The following SLC4A8 variants were observed in gnomAD, a reference collection of about 807,000 sequenced individuals.
The protein encoded by SLC4A8 is solute carrier family 4 member 8.
SLC4A8 carries 40 observed loss-of-function variants against 125.0 expected under a neutral mutation model. That is an observed-to-expected ratio of 0.32 (90% CI 0.25 to 0.42). SLC4A8 has a LOEUF of 0.42. SLC4A8 is among the 10% of genes least tolerant of loss of function. The pLI is 1.00. For missense variants in SLC4A8, 863 were observed against 1,355.1 expected (o/e 0.64, Z 5.70); for synonymous variants, 456 against 476.0 (o/e 0.96, Z 0.55).
At chr12:51,413,576 G>A (rs944308107) in intron 1 of SLC4A8, among the ~76,000 whole-genome samples, 1 of 152,114 alleles carries the variant, frequency 6.6e-6, no homozygotes, top group Admixed American at 6.6e-5. Context: ...TTTAATTCAT[G>A]TTGAGTTAAT....
intron 23 of SLC4A8, 125 bp from the exon 24 acceptor site, chr12:51,505,710 A>C: frequency 2.0e-6 from 1 of 494,074 alleles, no homozygotes. Flanking sequence ...CGAGTTCCTG[A>C]GAGCTGTTGG....
chr12:51,430,287 C>A (rs1310093974), intron 1 of SLC4A8, among the ~76,000 whole-genome samples: 1 of 151,964 alleles, frequency 6.6e-6, no homozygotes, highest in Non-Finnish European at 1.5e-5. Flanking sequence ...ATTCTAGTGC[C>A]CAGTGACTGT....
intron 16 of SLC4A8, among the ~76,000 whole-genome samples, chr12:51,478,132 G>C (rs1950910098): frequency 6.6e-6 from 1 of 152,066 alleles, no homozygotes; most frequent in Admixed American, 6.6e-5. Flanking sequence ...AAAATTAGCT[G>C]GGCATGGTGG....
intron 1 of SLC4A8, among the ~76,000 whole-genome samples, chr12:51,396,560 C>T (rs1948266473): frequency 6.6e-6 from 1 of 151,802 alleles, no homozygotes; most frequent in Non-Finnish European, 1.5e-5. Flanking sequence ...AATAAAGAAT[C>T]AGCTGGGCCT....
At chr12:51,463,980 C>T (rs1950434275) in intron 11 of SLC4A8, among the ~76,000 whole-genome samples, 2 of 152,168 alleles carry the variant, frequency 1.3e-5, no homozygotes, top group Admixed American at 6.5e-5. Flanking sequence ...AACACTCTTC[C>T]CTTTCCTCAT....
intron 8 of SLC4A8, among the ~76,000 whole-genome samples, chr12:51,460,678 GT>G (rs1367613338): frequency 2.0e-5 from 3 of 152,186 alleles, no homozygotes; most frequent in Non-Finnish European, 4.4e-5. Flanking sequence ...GGTTTGTATG[GT>G]TTGCAGATAT....
chr12:51,451,154 A>T, intron 3 of SLC4A8, 132 bp downstream of exon 3: 2 of 857,508 alleles, frequency 2.3e-6, no homozygotes, highest in Non-Finnish European at 1.6e-6. Context: ...GCTTGCTTCT[A>T]AGAAGAAATG....
At chr12:51,448,015 G>A (rs967502558) in intron 2 of SLC4A8, among the ~76,000 whole-genome samples, 6 of 152,072 alleles carry the variant, frequency 3.9e-5, no homozygotes, top group South Asian at 4.2e-4. Flanking sequence ...CACCACGTCC[G>A]GCTGGGATTT....
At chr12:51,466,863 G>A (rs550249497) in intron 11 of SLC4A8, among the ~76,000 whole-genome samples, 1 of 151,880 alleles carries the variant, frequency 6.6e-6, no homozygotes, top group Non-Finnish European at 1.5e-5. Context: ...TAAATCTTTT[G>A]TCTGTTGCTC....
Position 51,457,413 on chromosome 12 carries a change from C to A in SLC4A8, c.637C>A (p.Arg213=), listed in dbSNP as rs774455181. 6 of 1,613,956 alleles carry A rather than the reference C, an allele frequency of 3.7e-6. No homozygotes were observed. The South Asian group carries it at 4.4e-5, about 12-fold the overall frequency. Residue 213 remains arginine, a synonymous_variant, in exon 6 of 25, where the codon CGG becomes AGG. Coordinates refer to ENST00000453097, the MANE Select transcript of SLC4A8 (RefSeq NM_001039960.3). ...GAATGACAGCATGAGGGTTAAAGTG[C>A]GGGAAGCCCTTCTCAAAAAGCATCA... ...DLNDSMRVKV[R]EALLKKHHHQ...
At chr12:51,442,329 A>G (rs113484407) in intron 2 of SLC4A8, among the ~76,000 whole-genome samples, 2 of 152,190 alleles carry the variant, frequency 1.3e-5, no homozygotes, top group African/African-American at 2.4e-5. Context: ...CTCTCATTGC[A>G]TCCTGGGGGC....
At chr12:51,460,244 A>C (rs1196798158) in intron 8 of SLC4A8, 136 bp downstream of exon 8, 1 of 788,304 alleles carries the variant, frequency 1.3e-6, no homozygotes, top group African/African-American at 1.7e-5. Context: ...CAGAAAAGCC[A>C]GATGTGCTGG....
At chr12:51,458,751 A>C in intron 7 of SLC4A8, 101 bp downstream of exon 7, 2 of 791,402 alleles carry the variant, frequency 2.5e-6, no homozygotes, top group Non-Finnish European at 4.3e-6. Context: ...GTGTTTCAAG[A>C]CTCTTTCCCT....
upstream of SLC4A8, among the ~76,000 whole-genome samples, chr12:51,424,063 C>CAAAAAAA (rs199851698): frequency 9.3e-6 from 1 of 107,056 alleles, no homozygotes; most frequent in Non-Finnish European, 1.8e-5. Flanking sequence ...ACAAAAAAAA[C>CAAAAAAA]AACAAAAAAA....
At chr12:51,493,871 G>T in intron 20 of SLC4A8, 99 bp downstream of exon 20, 1 of 808,458 alleles carries the variant, frequency 1.2e-6, no homozygotes. Flanking sequence ...ACCAGTTCTT[G>T]AGAAAATTGT....
At chr12:51,497,565 GCACTTGGCATCTTGTC>G in intron 22 of SLC4A8, 2 of 154,336 alleles carry the variant, frequency 1.3e-5, no homozygotes, top group South Asian at 2.0e-4. Context: ...ATTTCCCTCA[GCACTTGGCATCTTGTC>G]ATCTACACAA....
At position 51,401,604 on chromosome 12, in the gene SLC4A8, C is replaced by G. The variant is rs1183753536; in HGVS notation, c.-112+10116C>G. 2.0e-5 allele frequency among the ~76,000 whole-genome samples: 3 copies of G among 152,156 alleles called. No homozygotes were observed. The East Asian group carries it at 5.8e-4, about 29-fold the overall frequency. The stretch of plus-strand genomic sequence containing the variant: ...TGCGTTCCTCTACTGATCTGTTCCT[C>G]TTGACGTCCAGCCGCTTGTGTCTCT... On this transcript the variant is annotated intron_variant, in intron 1 of 24. Coordinates refer to the SLC4A8 transcript ENST00000358657.
intron 16 of SLC4A8, among the ~76,000 whole-genome samples, chr12:51,479,682 C>CA (rs759517132): frequency 4.5e-3 from 176 of 39,052 alleles, no homozygotes; most frequent in Middle Eastern, 0.015. Context: ...GACTTGGTCT[C>CA]AAAAAAAAAA....
At chr12:51,442,555 T>C (rs1282946482) in intron 2 of SLC4A8, among the ~76,000 whole-genome samples, 1 of 152,244 alleles carries the variant, frequency 6.6e-6, no homozygotes, top group Non-Finnish European at 1.5e-5. Flanking sequence ...CTGTTCTTTA[T>C]GCATGTTCTA....
Sources: gnomAD v4.1 joint callset for allele counts (sites outside exome capture counted in the v4.1 genomes callset) on GRCh38, gnomAD v4.1.1 for gene constraint, MANE v1.5 for transcripts, NCBI Gene and HGNC (gene_info 2026-07-23, HGNC 2026-07-21) for gene names.